PCDHGB1: variants seen among roughly 807,000 people sequenced by gnomAD.
PCDHGB1 encodes the protein protocadherin gamma-B1.
In PCDHGB1, 34 loss-of-function variants were observed where a neutral mutation model predicts 56.6. The ratio of observed to expected loss-of-function variants is 0.60; its 90% CI spans 0.46 to 0.80. The LOEUF (loss-of-function observed/expected upper bound fraction) is 0.80, where lower values mean the gene tolerates loss of function less well. Among genes scored for constraint, PCDHGB1 ranks in the 30% least tolerant of loss-of-function variants. The pLI is 0.00. For synonymous variants in PCDHGB1, 561 were observed against 505.9 expected (o/e 1.11, Z -1.46); for missense variants, 1,278 against 1,204.6 (o/e 1.06, Z -0.90).
rs780436102 is a variant in PCDHGB1, at chr5:141,431,846, G to A, written c.2410-62961G>A. 1 of 1,614,274 alleles carries A rather than the reference G, an allele frequency of 6.2e-7. No individual in the cohort carries two copies. Among genetic ancestry groups the A allele is most frequent in the South Asian group, 1.1e-5 (1 of 91,088 alleles). On this transcript the variant is annotated intron_variant, in intron 1 of 3. Coordinates refer to ENST00000523390, the MANE Select transcript of PCDHGB1 (RefSeq NM_018922.3). The surrounding 1 kb of genome is among the most constrained non-coding windows in gnomAD (Gnocchi z 4.8). ...CTCGGTTCCCGAAAACTCTCCCAGA[G>A]GGACATTAATTGCCCTTTTAAATGT...
At chr5:141,374,608 T>C (rs1480045739) in intron 1 of PCDHGB1, 1 of 1,613,484 alleles carries the variant, frequency 6.2e-7, no homozygotes, top group African/African-American at 1.3e-5. Flanking sequence ...TCAGTGGTAA[T>C]AGTCACTTCT....
chr5:141,456,383 T>G (rs1372337704), intron 1 of PCDHGB1, among the ~76,000 whole-genome samples: 4 of 152,130 alleles, frequency 2.6e-5, no homozygotes, highest in Admixed American at 2.6e-4. Flanking sequence ...ACAGCACCGT[T>G]TGGAGTTTGA....
At chr5:141,393,845 AC>A in intron 1 of PCDHGB1, 1 of 1,613,966 alleles carries the variant, frequency 6.2e-7, no homozygotes, top group South Asian at 1.1e-5. Flanking sequence ...ATGACAATAG[AC>A]CAGAAGTGAT....
chr5:141,351,782 G>A lies in PCDHGB1; in HGVS notation c.1522G>A (p.Gly508Arg), dbSNP rs575679144. 2 of 1,613,456 alleles carry A rather than the reference G, an allele frequency of 1.2e-6. No individual in the cohort carries two copies. The highest frequency in any genetic ancestry group is 1.7e-6 in the Non-Finnish European group (2 of 1,179,896). The change falls in exon 1 of 4, where the codon GGG becomes AGG. Residue 508 changes from glycine to arginine, a missense_variant. Coordinates refer to ENST00000523390, the MANE Select transcript of PCDHGB1 (RefSeq NM_018922.3). Reference protein sequence around the residue: ...LSYVSVSPQSGVVFAQRAFDH... With the variant: ...LSYVSVSPQSRVVFAQRAFDH... ...CTACGTGTCCGTGAGCCCGCAGAGCGGGGTGGTGTTCGCGCAGCGCGCCTT... is the reference window on the plus strand; with the variant it reads ...CTACGTGTCCGTGAGCCCGCAGAGCAGGGTGGTGTTCGCGCAGCGCGCCTT...
At position 141,489,515 on chromosome 5, in the gene PCDHGB1, G is replaced by T; in HGVS notation, c.2410-5292G>T. ...CTGGCAGTGAATCAAAAGATTGACC[G>T]AGAAAGCCTATGTGGAGCCAGCACC... On this transcript the variant is annotated intron_variant, in intron 1 of 3. Coordinates refer to ENST00000523390, the MANE Select transcript of PCDHGB1 (RefSeq NM_018922.3). This position sits in a 1 kb window ranked among gnomAD's most constrained non-coding sequence, Gnocchi z 4.5. 4.3e-6 allele frequency: 7 copies of T among 1,614,104 alleles called. No individual in the cohort carries two copies. Among genetic ancestry groups the T allele is most frequent in the Non-Finnish European group, 5.9e-6 (7 of 1,180,034 alleles).
At chr5:141,507,106 A>T (rs1205648425) in intron 3 of PCDHGB1, 1 of 152,118 alleles carries the variant, frequency 6.6e-6, no homozygotes, top group African/African-American at 2.4e-5. Context: ...TACTATAGGG[A>T]CCATGGCTGC....
chr5:141,366,311 ACCGTTG>A (rs1051076797), intron 1 of PCDHGB1: 10 of 1,613,648 alleles, frequency 6.2e-6, no homozygotes, highest in Non-Finnish European at 6.8e-6. Flanking sequence ...CTTCACGGTC[ACCGTTG>A]CCGTGGCCGA....
At position 141,490,370 on chromosome 5, in the gene PCDHGB1, G is replaced by A. The variant is rs768474199; in HGVS notation, c.2410-4437G>A. Reference sequence around the variant, plus strand: ...GTGGGGTTGTTTAATGTGCGAGACCGGGACTCAGGTAGAAATGGTGAAGTG... The same window carrying A: ...GTGGGGTTGTTTAATGTGCGAGACCAGGACTCAGGTAGAAATGGTGAAGTG... On this transcript the variant is annotated intron_variant, in intron 1 of 3. Coordinates refer to ENST00000523390, the MANE Select transcript of PCDHGB1 (RefSeq NM_018922.3). The surrounding 1 kb of genome is among the most constrained non-coding windows in gnomAD (Gnocchi z 5.4). 32 of 1,614,054 alleles carry A rather than the reference G, an allele frequency of 2.0e-5. No homozygotes were observed. The highest frequency in any genetic ancestry group is 1.0e-4 in the Admixed American group (6 of 60,006).
At chr5:141,503,229 T>C (rs986982708) in intron 2 of PCDHGB1, among the ~76,000 whole-genome samples, 1 of 152,080 alleles carries the variant, frequency 6.6e-6, no homozygotes, top group African/African-American at 2.4e-5. Context: ...ACCGTAAAGA[T>C]GGACAGTTTC....
chr5:141,485,177 C>T lies in PCDHGB1; in HGVS notation c.2410-9630C>T. ...AGAGAATTAGCGGGCGGCAGCAATG[C>T]TCCGCAAGGTGAGAAGCTGGACAGA... On this transcript the variant is annotated intron_variant, in intron 1 of 3. Coordinates refer to ENST00000523390, the MANE Select transcript of PCDHGB1 (RefSeq NM_018922.3). This position sits in a 1 kb window ranked among gnomAD's most constrained non-coding sequence, Gnocchi z 5.7. 1 of 1,612,024 alleles carries T rather than the reference C, an allele frequency of 6.2e-7. No homozygotes were observed. Among genetic ancestry groups the T allele is most frequent in the South Asian group, 1.1e-5 (1 of 90,956 alleles).
At chr5:141,498,919 C>A (rs897611505) in intron 2 of PCDHGB1, among the ~76,000 whole-genome samples, 1 of 122,240 alleles carries the variant, frequency 8.2e-6, no homozygotes. Context: ...GGTGACAGAG[C>A]GAGACTCCAT....
chr5:141,395,364 A>G, intron 1 of PCDHGB1: 1 of 1,264,440 alleles, frequency 7.9e-7, no homozygotes, highest in Non-Finnish European at 1.1e-6. Flanking sequence ...TTTTGGGTTT[A>G]TTTTGGTGGT....
intron 1 of PCDHGB1, chr5:141,371,543 A>G (rs1209242275): frequency 3.1e-6 from 5 of 1,613,694 alleles, no homozygotes; most frequent in Non-Finnish European, 4.2e-6. Flanking sequence ...GAGAAATCCT[A>G]TGCCAACTAA....
At chr5:141,423,666 A>G in intron 1 of PCDHGB1, 1 of 1,494,380 alleles carries the variant, frequency 6.7e-7, no homozygotes, top group Non-Finnish European at 8.9e-7. Context: ...ATCAGGTGAG[A>G]TTTATTTCTC....
At chr5:141,385,330 C>A (rs1183163204) in intron 1 of PCDHGB1, 1 of 1,583,780 alleles carries the variant, frequency 6.3e-7, no homozygotes, top group East Asian at 2.2e-5. Flanking sequence ...TCAGGTGAGC[C>A]CAGCCCTTCC....
chr5:141,457,429 C>G (rs73280316), intron 1 of PCDHGB1, among the ~76,000 whole-genome samples: 1,780 of 152,292 alleles, frequency 0.012, 30 homozygotes, highest in African/African-American at 0.04. Context: ...TTTTCCCCCC[C>G]ACCAAGCTGC....
Position 141,431,697 on chromosome 5 carries a change from G to A in PCDHGB1, c.2410-63110G>A. The A allele has an allele frequency of 6.2e-7, 1 of 1,614,206 alleles. No homozygotes were observed. Among genetic ancestry groups the A allele is most frequent in the South Asian group, 1.1e-5 (1 of 91,084 alleles). On this transcript the variant is annotated intron_variant, in intron 1 of 3. Transcript: ENST00000523390. This position sits in a 1 kb window ranked among gnomAD's most constrained non-coding sequence, Gnocchi z 4.8. Reference sequence around the variant, plus strand: ...GGGGAGTTGGACCACGAGGAGTCAGGATTCTACCAGATGGAAGTGCAAGCA... The same window carrying A: ...GGGGAGTTGGACCACGAGGAGTCAGAATTCTACCAGATGGAAGTGCAAGCA...
intron 1 of PCDHGB1, chr5:141,415,772 T>TTTA (rs1561760673): frequency 5.3e-6 from 7 of 1,332,980 alleles, no homozygotes; most frequent in Non-Finnish European, 6.7e-6. Flanking sequence ...TTTTTTTTTT[T>TTTA]ACTTTCTGGT....
intron 1 of PCDHGB1, chr5:141,413,249 G>A (rs756270877): frequency 6.8e-6 from 11 of 1,613,832 alleles, no homozygotes; most frequent in Non-Finnish European, 9.3e-6. Flanking sequence ...CTTTTCTTCG[G>A]GATTCCATGG....
Sources: allele counts gnomAD v4.1 joint callset (sites outside exome capture counted in the v4.1 genomes callset), GRCh38; gene constraint gnomAD v4.1.1; non-coding constraint Gnocchi (gnomAD v3.1); transcripts MANE v1.5; gene names NCBI Gene and HGNC (gene_info 2026-07-23, HGNC 2026-07-21).